The following SEZ6L variants were observed in gnomAD, a reference collection of about 807,000 sequenced individuals.
SEZ6L encodes seizure related 6 homolog like.
Under a neutral mutation model 106.2 loss-of-function variants are expected in SEZ6L, and 37 were observed. The observed-to-expected ratio is 0.35, with a 90% confidence interval of 0.27 to 0.46. The LOEUF is 0.46. Among genes scored for constraint, SEZ6L ranks in the 20% least tolerant of loss-of-function variants. The probability of loss-of-function intolerance (pLI) is 1.00; values close to 1 mark genes in which losing one functional copy is unlikely to be tolerated. For missense variants in SEZ6L, 1,172 were observed against 1,332.8 expected (o/e 0.88, Z 1.88); for synonymous variants, 541 against 570.4 (o/e 0.95, Z 0.73).
chr22:26,279,351 C>T (rs929831731), intron 1 of SEZ6L, among the ~76,000 whole-genome samples: 3 of 152,080 alleles, frequency 2.0e-5, no homozygotes, highest in African/African-American at 4.8e-5. Context: ...ACCCAGCCAC[C>T]GACTCTGAGA....
intron 9 of SEZ6L, among the ~76,000 whole-genome samples, chr22:26,326,951 T>G (rs1159044016): frequency 6.6e-6 from 1 of 152,176 alleles, no homozygotes; most frequent in Non-Finnish European, 1.5e-5. Flanking sequence ...TTGGAGGAGT[T>G]CCCACGCCAG....
chr22:26,333,698 TCTG>T (rs1211730098), intron 9 of SEZ6L, among the ~76,000 whole-genome samples: 14 of 152,088 alleles, frequency 9.2e-5, no homozygotes. Flanking sequence ...GAGCTCCTGA[TCTG>T]CAGCAGATGA....
At chr22:26,213,125 T>C (rs1437497196) in intron 1 of SEZ6L, among the ~76,000 whole-genome samples, 1 of 152,182 alleles carries the variant, frequency 6.6e-6, no homozygotes, top group East Asian at 1.9e-4. Context: ...GTATGAATCA[T>C]GTGGCTGGCT....
At chr22:26,250,561 A>G (rs1170253386) in intron 1 of SEZ6L, among the ~76,000 whole-genome samples, 1 of 152,160 alleles carries the variant, frequency 6.6e-6, no homozygotes, top group Admixed American at 6.5e-5. Flanking sequence ...TTTAGGTACT[A>G]TAGCTTTGCA....
At chr22:26,176,754 A>T (rs1397456881) in intron 1 of SEZ6L, among the ~76,000 whole-genome samples, 1 of 152,220 alleles carries the variant, frequency 6.6e-6, no homozygotes, top group African/African-American at 2.4e-5. Context: ...CACTCAATAA[A>T]AATTTGCCAT....
intron 9 of SEZ6L, among the ~76,000 whole-genome samples, chr22:26,326,589 C>A (rs141794959): frequency 4.6e-5 from 7 of 152,182 alleles, no homozygotes; most frequent in Non-Finnish European, 8.8e-5. Flanking sequence ...GATCCTCCTC[C>A]GAGGGGTGAA....
At chr22:26,369,807 G>A (rs2083963608) in intron 13 of SEZ6L, among the ~76,000 whole-genome samples, 1 of 151,742 alleles carries the variant, frequency 6.6e-6, no homozygotes, top group Admixed American at 6.6e-5. Flanking sequence ...AATAGAGACG[G>A]AGTTTTGTCA....
intron 1 of SEZ6L, among the ~76,000 whole-genome samples, chr22:26,208,028 G>C (rs1480528334): frequency 6.6e-6 from 1 of 151,522 alleles, no homozygotes; most frequent in East Asian, 1.9e-4. Context: ...TCCTGCCTCA[G>C]CCTCTCGTGT....
chr22:26,251,547 G>A (rs1301645140), intron 1 of SEZ6L, among the ~76,000 whole-genome samples: 1 of 152,190 alleles, frequency 6.6e-6, no homozygotes, highest in Non-Finnish European at 1.5e-5. Context: ...GCTGGAGAAA[G>A]TCAGGCATCT....
intron 1 of SEZ6L, among the ~76,000 whole-genome samples, chr22:26,172,488 C>G (rs1938691729): frequency 6.6e-6 from 1 of 152,032 alleles, no homozygotes; most frequent in East Asian, 1.9e-4. Context: ...CAAGTCCATT[C>G]CTGCAAGCTG....
intron 13 of SEZ6L, among the ~76,000 whole-genome samples, chr22:26,370,806 C>A (rs1365562042): frequency 6.6e-6 from 1 of 151,948 alleles, no homozygotes; most frequent in Non-Finnish European, 1.5e-5. Flanking sequence ...GAGTTCGAGA[C>A]CAGCCTAGGC....
chr22:26,311,034 G>A (rs76976499), intron 7 of SEZ6L, among the ~76,000 whole-genome samples, 198 bp downstream of exon 7: 2,583 of 152,252 alleles, frequency 0.017, 71 homozygotes, highest in African/African-American at 0.057. Flanking sequence ...CACTTACTAC[G>A]TGCTCAGTGC....
At chr22:26,175,288 T>C (rs1488589810) in intron 1 of SEZ6L, among the ~76,000 whole-genome samples, 1 of 152,214 alleles carries the variant, frequency 6.6e-6, no homozygotes, top group Non-Finnish European at 1.5e-5. Flanking sequence ...TAATTCACAA[T>C]CATTATAGTT....
intron 9 of SEZ6L, among the ~76,000 whole-genome samples, chr22:26,332,146 TG>T (rs1320722523): frequency 2.1e-4 from 24 of 111,928 alleles, no homozygotes; most frequent in Non-Finnish European, 2.8e-4. Flanking sequence ...GGATTTTCAA[TG>T]TTTTTTTTTT....
chr22:26,372,334 T>C (rs1043022172), intron 13 of SEZ6L, among the ~76,000 whole-genome samples: 1 of 152,162 alleles, frequency 6.6e-6, no homozygotes, highest in African/African-American at 2.4e-5. Flanking sequence ...GTTCTAAGAT[T>C]CCATGGACAT....
rs558891082 is a variant in SEZ6L, at chr22:26,198,931, C to T, written c.94+29168C>T. ...TGCCTCCCTTGTGGTTGGATGTGGC[C>T]ATGTGGCATGTTCTGGCCAATGGGA... On this transcript the variant is annotated intron_variant, in intron 1 of 16. Coordinates refer to ENST00000248933, the MANE Select transcript of SEZ6L (RefSeq NM_021115.5). Among the ~76,000 whole-genome samples, 11 of 152,302 alleles carry T rather than the reference C, an allele frequency of 7.2e-5. 1 individual carries two copies. In the South Asian group the frequency reaches 2.3e-3, roughly 32 times the overall value.
intron 10 of SEZ6L, among the ~76,000 whole-genome samples, chr22:26,346,496 C>A (rs769561676): frequency 5.3e-5 from 8 of 152,204 alleles, no homozygotes; most frequent in Non-Finnish European, 1.0e-4. Flanking sequence ...CCCAAATTAG[C>A]AGTAAACATT....
chr22:26,357,598 G>A (rs963718977), intron 12 of SEZ6L, among the ~76,000 whole-genome samples: 5 of 152,100 alleles, frequency 3.3e-5, no homozygotes, highest in African/African-American at 1.2e-4. Context: ...TATGTTTGTA[G>A]AATCACATTC....
chr22:26,189,858 G>A (rs1940055857), intron 1 of SEZ6L, among the ~76,000 whole-genome samples: 1 of 152,130 alleles, frequency 6.6e-6, no homozygotes, highest in Admixed American at 6.5e-5. Context: ...AGCACTTTGG[G>A]AGGCCGAGGC....
Sources: allele counts gnomAD v4.1 joint callset (sites outside exome capture counted in the v4.1 genomes callset), GRCh38; gene constraint gnomAD v4.1.1; transcripts MANE v1.5; gene names NCBI Gene and HGNC (gene_info 2026-07-23, HGNC 2026-07-21).